GABPA: variants seen among roughly 807,000 people sequenced by gnomAD.
The protein encoded by GABPA is GA-binding protein alpha chain.
Under a neutral mutation model 59.4 loss-of-function variants are expected in GABPA, and 4 were observed. That is an observed-to-expected ratio of 0.07 (90% confidence interval 0.03 to 0.15). GABPA has a LOEUF of 0.15. GABPA is among the 10% of genes least tolerant of loss of function. GABPA has a pLI of 1.00. For synonymous variants in GABPA, 164 were observed against 183.1 expected (o/e 0.90, Z 0.84); for missense variants, 251 against 543.8 (o/e 0.46, Z 5.36).
intron 9 of GABPA, 71 bp downstream of exon 9, chr21:25,764,858 A>G (rs1214928863): frequency 9.0e-7 from 1 of 1,116,832 alleles, no homozygotes; most frequent in Non-Finnish European, 1.2e-6. Flanking sequence ...CTTATTCTAG[A>G]TGTAATAAGC....
At chr21:25,759,111 C>A (rs1324476052) in intron 6 of GABPA, among the ~76,000 whole-genome samples, 2 of 152,002 alleles carry the variant, frequency 1.3e-5, no homozygotes, top group African/African-American at 4.8e-5. Flanking sequence ...ACTTGGCTGT[C>A]CAAGAAAACA....
At chr21:25,762,863 G>A (rs1158710905) in intron 7 of GABPA, 2 of 210,164 alleles carry the variant, frequency 9.5e-6, no homozygotes, top group South Asian at 8.8e-5. Context: ...GGTGGGAGTT[G>A]CAATCAAAGT....
intron 1 of GABPA, among the ~76,000 whole-genome samples, chr21:25,739,096 G>A (rs181829622): frequency 2.0e-5 from 3 of 152,328 alleles, no homozygotes; most frequent in African/African-American, 4.8e-5. Context: ...GTCCATCCCA[G>A]TGGAGAACCT....
chr21:25,757,849 ATTTTTTTTTTTT>A (rs60518912), intron 5 of GABPA, among the ~76,000 whole-genome samples, 149 bp from the exon 6 acceptor site: 1 of 108,734 alleles, frequency 9.2e-6, no homozygotes, highest in African/African-American at 3.7e-5. Flanking sequence ...TTACAGCATA[ATTTTTTTTTTTT>A]TTTTTTTTTT....
At chr21:25,743,900 T>G (rs1026076527) in intron 2 of GABPA, among the ~76,000 whole-genome samples, 24 of 151,948 alleles carry the variant, frequency 1.6e-4, no homozygotes, top group African/African-American at 5.8e-4. Flanking sequence ...AAAAATTAGC[T>G]AGGCATGGTG....
intron 5 of GABPA, 92 bp from the exon 6 acceptor site, chr21:25,757,918 T>A: frequency 2.6e-6 from 1 of 379,884 alleles, no homozygotes; most frequent in Non-Finnish European, 4.6e-6. Context: ...AAAGAAAACA[T>A]CTGTGTGTAT....
Position 25,771,108 on chromosome 21 carries a change from A to C in GABPA, c.*1876A>C, listed in dbSNP as rs1004331721. On this transcript the variant is annotated 3_prime_UTR_variant, in exon 10 of 10. Coordinates refer to ENST00000400075, the MANE Select transcript of GABPA (RefSeq NM_002040.4). ...CCTCTTACGGCCTAGAGAGTTGACA[A>C]GTTGCTTGTAGTTTTAAAAAAATAA... The C allele has an allele frequency of 6.6e-6, 1 of 151,994 alleles. No individual in the cohort carries two copies. Among genetic ancestry groups the C allele is most frequent in the African/African-American group, 2.4e-5 (1 of 41,430 alleles). The allele number at this position is 151,994 out of a possible 1,614,324, so 9.4% of individuals were successfully genotyped here.
chr21:25,746,816 C>A (rs937547577), intron 3 of GABPA, among the ~76,000 whole-genome samples: 1 of 152,118 alleles, frequency 6.6e-6, no homozygotes, highest in Non-Finnish European at 1.5e-5. Flanking sequence ...ATTATTCCTA[C>A]AGAAATGCTC....
intron 1 of GABPA, among the ~76,000 whole-genome samples, chr21:25,741,092 G>GT (rs1183524176): frequency 6.6e-6 from 1 of 152,212 alleles, no homozygotes; most frequent in Admixed American, 6.5e-5. Context: ...ATAAACACCA[G>GT]TTTTTTAAAA....
intron 6 of GABPA, among the ~76,000 whole-genome samples, chr21:25,759,140 T>G (rs1391449583): frequency 6.6e-6 from 1 of 152,146 alleles, no homozygotes; most frequent in African/African-American, 2.4e-5. Context: ...ATGTAAATTA[T>G]TTTTGCTTGA....
intron 6 of GABPA, among the ~76,000 whole-genome samples, chr21:25,759,322 A>G (rs1054968135): frequency 2.6e-5 from 4 of 152,150 alleles, no homozygotes; most frequent in Non-Finnish European, 4.4e-5. Flanking sequence ...TGTTAATGAT[A>G]GCATTTTGTT....
intron 6 of GABPA, among the ~76,000 whole-genome samples, chr21:25,759,070 G>A (rs1046214590): frequency 6.6e-5 from 10 of 151,150 alleles, no homozygotes; most frequent in Admixed American, 2.6e-4. Flanking sequence ...GTCTCAATTG[G>A]AAAAAAAAGA....
intron 5 of GABPA, among the ~76,000 whole-genome samples, chr21:25,753,050 A>G (rs1420886929): frequency 1.3e-5 from 2 of 152,186 alleles, no homozygotes; most frequent in African/African-American, 4.8e-5. Flanking sequence ...TAAAACAGTA[A>G]TAATCTTGAT....
At chr21:25,752,662 G>C (rs1365173889) in intron 5 of GABPA, among the ~76,000 whole-genome samples, 2 of 152,138 alleles carry the variant, frequency 1.3e-5, no homozygotes, top group Non-Finnish European at 2.9e-5. Flanking sequence ...ATTTAAGACA[G>C]GAAATGTTAT....
intron 1 of GABPA, among the ~76,000 whole-genome samples, 182 bp from the exon 2 acceptor site, chr21:25,741,391 C>G: frequency 6.6e-6 from 1 of 151,886 alleles, no homozygotes; most frequent in East Asian, 1.9e-4. Context: ...GCCTTGGCCT[C>G]CCAAAGTCCT....
At chr21:25,736,564 G>C (rs745960096) in intron 1 of GABPA, among the ~76,000 whole-genome samples, 2 of 152,192 alleles carry the variant, frequency 1.3e-5, no homozygotes, top group African/African-American at 2.4e-5. Flanking sequence ...GTGTATACAA[G>C]AGCATCTGTC....
At chr21:25,749,646 A>G (rs1021785084) in intron 4 of GABPA, among the ~76,000 whole-genome samples, 1 of 152,248 alleles carries the variant, frequency 6.6e-6, no homozygotes, top group Admixed American at 6.5e-5. Flanking sequence ...AGCCTGGCCA[A>G]CATGGTGCAA....
chr21:25,749,625 A>C (rs553334426), intron 4 of GABPA, among the ~76,000 whole-genome samples: 64 of 152,350 alleles, frequency 4.2e-4, no homozygotes, highest in African/African-American at 1.4e-3. Flanking sequence ...TGAGGTCAAG[A>C]GTTTGAGAAC....
In GABPA at chr21:25,770,051, A is replaced by G. The variant is rs1235692109; in HGVS notation, c.*819A>G. 1.3e-5 allele frequency: 2 copies of G among 152,612 alleles called. No individual in the cohort carries two copies. Among genetic ancestry groups the G allele is most frequent in the African/African-American group, 4.8e-5 (2 of 41,458 alleles). 9.5% of individuals were successfully genotyped at this position (152,612 alleles called of 1,614,324 possible). On this transcript the variant is annotated 3_prime_UTR_variant, in exon 10 of 10. Transcript: ENST00000400075. ...AAAAGGTATACCTCAACCCAAAAAT[A>G]AAGGTTTGTTTTGGTTTGTTATGGC...
Sources: gnomAD v4.1 joint callset for allele counts (sites outside exome capture counted in the v4.1 genomes callset) on GRCh38, gnomAD v4.1.1 for gene constraint, MANE v1.5 for transcripts, NCBI Gene and HGNC (gene_info 2026-07-23, HGNC 2026-07-21) for gene names.